The following KRT39 variants were observed in gnomAD, a reference collection of about 807,000 sequenced individuals.
KRT39 encodes keratin 39.
Under a neutral mutation model 54.8 loss-of-function variants are expected in KRT39, and 47 were observed. The ratio of observed to expected loss-of-function variants is 0.86; its 90% confidence interval spans 0.68 to 1.09. The LOEUF is 1.09. KRT39 is among the 50% of genes least tolerant of loss of function. The pLI, the probability that KRT39 is intolerant of heterozygous loss-of-function variation, is 0.00. For missense variants in KRT39, 580 were observed against 598.5 expected (o/e 0.97, Z 0.32); for synonymous variants, 207 against 227.9 (o/e 0.91, Z 0.83).
At position 40,963,207 on chromosome 17, in the gene KRT39, G is replaced by A. The variant is rs998485898; in HGVS notation, c.708+420C>T. Among the ~76,000 whole-genome samples, 15 of 152,300 alleles carry A rather than the reference G, an allele frequency of 9.8e-5. No individual in the cohort carries two copies. In the East Asian group the frequency reaches 1.2e-3, roughly 12 times the overall value. On this transcript the variant is annotated intron_variant, in intron 3 of 6. Transcript: ENST00000355612. ...TGTGTCCCCACCCAAATCTCATCTC[G>A]AATTGTAATTCCCATAATTCCCATG... is the stretch of plus-strand genomic sequence containing the variant.
At chr17:40,964,381 T>C (rs1279935040) in intron 2 of KRT39, 65 bp downstream of exon 2, 2 of 1,382,838 alleles carry the variant, frequency 1.4e-6, no homozygotes, top group Non-Finnish European at 2.1e-6. Context: ...GACAATTTTG[T>C]TGAGGGCATC....
Position 40,966,433 on chromosome 17 carries a change from C to A in KRT39, c.424G>T (p.Asp142Tyr). The change falls in exon 1 of 7, where the codon GAT (aspartate) becomes TAT (tyrosine). Residue 142 changes from aspartate (D) to tyrosine (Y), a missense_variant. Coordinates refer to ENST00000355612, the MANE Select transcript of KRT39 (RefSeq NM_213656.4). Reference sequence around the variant, plus strand: ...ATGGTAGTGTAGTAAGACAGGTAATCAGGACATAGAACAGGGAGCTCTTTG... The same window carrying A: ...ATGGTAGTGTAGTAAGACAGGTAATAAGGACATAGAACAGGGAGCTCTTTG... ...SNKELPVLCP[D>Y]YLSYYTTIEE... is the part of the protein sequence containing the mutation. The A allele has an allele frequency of 6.2e-7, 1 of 1,614,112 alleles. No homozygotes were observed. Among genetic ancestry groups the A allele is most frequent in the South Asian group, 1.1e-5 (1 of 91,076 alleles).
At position 40,958,437 on chromosome 17, in the gene KRT39, G is replaced by T; in HGVS notation, c.*164C>A. On this transcript the variant is annotated 3_prime_UTR_variant, in exon 7 of 7. Transcript: ENST00000355612. Reference sequence around the variant, plus strand: ...TATCATGTTAGCAGTGGTGAGTTAGGGAAGGAGCAGAATAAAAGATATTCT... The same window carrying T: ...TATCATGTTAGCAGTGGTGAGTTAGTGAAGGAGCAGAATAAAAGATATTCT... 1.6e-6 allele frequency: 1 copy of T among 636,384 alleles called. No individual in the cohort carries two copies. The highest frequency in any genetic ancestry group is 2.8e-5 in the East Asian group (1 of 35,290). 39.4% of individuals were successfully genotyped at this position (636,384 alleles called of 1,614,324 possible).
Position 40,963,725 on chromosome 17 carries a change from G to C in KRT39, c.610C>G (p.Gln204Glu). 6.2e-7 allele frequency: 1 copy of C among 1,609,672 alleles called. No individual in the cohort carries two copies. The highest frequency in any genetic ancestry group is 8.5e-7 in the Non-Finnish European group (1 of 1,176,498). Residue 204 changes from glutamine (Q) to glutamate (E), a missense_variant, in exon 3 of 7, where the codon CAG becomes GAG. Gln to Glu is a conservative substitution (Grantham distance 29, BLOSUM62 2). Coordinates refer to ENST00000355612, the MANE Select transcript of KRT39 (RefSeq NM_213656.4). ...LVESDANGLKQILNVLTLGKA... is the reference protein window; with the variant it reads ...LVESDANGLKEILNVLTLGKA... ...CCCAGGGTCAGCACATTCAGGATCT[G>C]CTTGAGGCCATTGGCATCTGACTCT...
intron 5 of KRT39, 96 bp from the exon 6 acceptor site, chr17:40,960,597 A>G (rs1008597684): frequency 3.6e-6 from 3 of 823,332 alleles, no homozygotes; most frequent in Non-Finnish European, 6.1e-6. Flanking sequence ...TCTTTGTGAC[A>G]CTACTGATAG....
intron 5 of KRT39, among the ~76,000 whole-genome samples, chr17:40,961,391 CTG>C (rs1911146763): frequency 6.6e-6 from 1 of 152,092 alleles, no homozygotes; most frequent in Non-Finnish European, 1.5e-5. Flanking sequence ...GATGAGAAAA[CTG>C]AGGTTCAAGT....
chr17:40,958,835 G>A lies in KRT39; in HGVS notation c.1242C>T (p.Thr414=), dbSNP rs761313153. Residue 414 remains threonine (T), a synonymous_variant, in exon 7 of 7, where the codon ACC becomes ACT. Coordinates refer to ENST00000355612, the MANE Select transcript of KRT39 (RefSeq NM_213656.4). ...ATGTCCAAGGGGAAGGCTCACATTT[G>A]GTGGCACGTGGGTAACAGGGACGCC... ...DGKRPCYPRA[T]KCEPSPWTSC... 7 of 1,607,528 alleles carry A rather than the reference G, an allele frequency of 4.4e-6. No individual in the cohort carries two copies. In the South Asian group the frequency reaches 5.6e-5, roughly 13 times the overall value.
rs867735427 is a variant in KRT39 at position 40,964,593 on chromosome 17, G to C, written c.469-65C>G. The C allele has an allele frequency of 1.0e-5, 12 of 1,152,724 alleles. No homozygotes were observed. In the Middle Eastern group the frequency reaches 1.1e-3, roughly 110 times the overall value. 71.4% of individuals were successfully genotyped at this position (1,152,724 alleles called of 1,614,324 possible). Reference sequence around the variant, plus strand: ...CAAGATTTCCTTCTTTAAGAACCAAGGGGTTTGTGTGTGTGTCAAGTAACA... The same window carrying C: ...CAAGATTTCCTTCTTTAAGAACCAACGGGTTTGTGTGTGTGTCAAGTAACA... On this transcript the variant is annotated intron_variant, in intron 1 of 6. Transcript: ENST00000355612.
At position 40,960,452 on chromosome 17, in the gene KRT39, G is replaced by T. The variant is rs1023325218; in HGVS notation, c.1046C>A (p.Ala349Asp). 1.2e-6 allele frequency: 2 copies of T among 1,613,944 alleles called. No homozygotes were observed. The highest frequency in any genetic ancestry group is 2.7e-5 in the African/African-American group (2 of 74,880). ...CAGACTCTGGATCTGGGTCAGCAAG[G>T]CCGTGTAGCGAGCCTCTGTCTCCGT... is the stretch of plus-strand genomic sequence containing the variant. Reference protein sequence around the residue: ...ILTETEARYTALLTQIQSLID... With the variant: ...ILTETEARYTDLLTQIQSLID... Residue 349 changes from alanine to aspartate, a missense_variant, in exon 6 of 7, where the codon GCC becomes GAC. Physicochemically the swap from Ala to Asp is moderately radical, Grantham distance 126. Transcript: ENST00000355612.
chr17:40,962,861 T>C (rs1911212055), intron 3 of KRT39, among the ~76,000 whole-genome samples: 1 of 152,196 alleles, frequency 6.6e-6, no homozygotes, highest in African/African-American at 2.4e-5. Context: ...AAAGGTGGAA[T>C]TGATCATGAG....
chr17:40,960,390 AC>A lies in KRT39; in HGVS notation c.1107del (p.Cys370ValfsTer60), dbSNP rs1567830599. On this transcript the variant is annotated frameshift_variant, in exon 6 of 7. Transcript: ENST00000355612. LOFTEE classifies it high-confidence loss of function. Reference protein sequence around the residue: ...DNLEAQLAEIRCALERQNQEY... With the variant: ...DNLEAQLAEIXCALERQNQEY... ...TCTTGGTTCTGTCTTTCCAGGGCAC[AC>A]CGGATCTCTGCCAGCTGAGCTTCCA... The A allele has an allele frequency of 1.2e-6, 2 of 1,613,952 alleles. No homozygotes were observed. The highest frequency in any genetic ancestry group is 2.2e-5 in the South Asian group (2 of 91,062).
At chr17:40,964,091 T>A (rs746555036) in intron 2 of KRT39, 36 of 417,354 alleles carry the variant, frequency 8.6e-5, no homozygotes, top group Admixed American at 2.0e-4. Context: ...AAAACATGTG[T>A]CCAAGTTTCG....
Position 40,958,480 on chromosome 17 carries a change from C to G in KRT39, c.*121G>C. On this transcript the variant is annotated 3_prime_UTR_variant, in exon 7 of 7. Transcript: ENST00000355612. The stretch of plus-strand genomic sequence containing the variant: ...GATATTCTACCTAGCAATGGGGACC[C>G]GCTGTAGTAGTAAGAAACTAAGTAC... 9.1e-7 allele frequency: 1 copy of G among 1,093,308 alleles called. No individual in the cohort carries two copies. The highest frequency in any genetic ancestry group is 1.3e-6 in the Non-Finnish European group (1 of 769,760). 67.7% of individuals were successfully genotyped at this position (1,093,308 alleles called of 1,614,324 possible). A position where few individuals can be genotyped will look rare whatever the true frequency, so the allele number is the denominator to read the frequency against.
intron 6 of KRT39, among the ~76,000 whole-genome samples, chr17:40,960,058 T>C (rs1242658154): frequency 1.3e-5 from 2 of 152,310 alleles, no homozygotes; most frequent in East Asian, 3.9e-4. Context: ...CATGGGCTCT[T>C]CAGAACAGCT....
chr17:40,962,186 A>G lies in KRT39; in HGVS notation c.972T>C (p.Val324=), dbSNP rs552759104. Reference sequence around the variant, plus strand: ...CCATTCGATGCTGGGCCTGCAGTTCAACCTCCAGAGTGTTCACACTGCGTC... The same window carrying G: ...CCATTCGATGCTGGGCCTGCAGTTCGACCTCCAGAGTGTTCACACTGCGTC... ...ELRRSVNTLE[V]ELQAQHRMRD... The change falls in exon 5 of 7, where the codon GTT becomes GTC. Residue 324 remains valine, a synonymous_variant. Transcript: ENST00000355612. 6.2e-7 allele frequency: 1 copy of G among 1,614,214 alleles called. No homozygotes were observed. Among genetic ancestry groups the G allele is most frequent in the African/African-American group, 1.3e-5 (1 of 75,060 alleles).
Position 40,962,178 on chromosome 17 carries a change from T to G in KRT39, c.980A>C (p.Gln327Pro). The G allele has an allele frequency of 6.2e-7, 1 of 1,614,204 alleles. No homozygotes were observed. Among genetic ancestry groups the G allele is most frequent in the Non-Finnish European group, 8.5e-7 (1 of 1,180,022 alleles). Residue 327 changes from glutamine to proline, a missense_variant, in exon 5 of 7, where the codon CAG becomes CCG. Physicochemically the swap from Gln to Pro is moderately conservative, Grantham distance 76. Transcript: ENST00000355612. ...RSVNTLEVELQAQHRMRDSQE... is the reference protein window; with the variant it reads ...RSVNTLEVELPAQHRMRDSQE... ...GCTCAGTACCATTCGATGCTGGGCC[T>G]GCAGTTCAACCTCCAGAGTGTTCAC...
chr17:40,964,289 A>G (rs17645857), intron 2 of KRT39, 157 bp downstream of exon 2: 53,647 of 679,184 alleles, frequency 0.079, 2,368 homozygotes, highest in South Asian at 0.094. Flanking sequence ...GCAGTTATTA[A>G]TCTTAATCAT....
rs1911104247 is a variant in KRT39 at position 40,960,459 on chromosome 17, A to G, written c.1039T>C (p.Tyr347His). The change falls in exon 6 of 7, where the codon TAC becomes CAC. Residue 347 changes from tyrosine to histidine, a missense_variant. By Grantham distance (83) the Tyr-to-His change is moderately conservative. Transcript: ENST00000355612. ...TGGATCTGGGTCAGCAAGGCCGTGT[A>G]GCGAGCCTCTGTCTCCGTTAGGATG... The part of the protein sequence containing the change: ...ECILTETEAR[Y>H]TALLTQIQSL... 6.2e-7 allele frequency: 1 copy of G among 1,614,060 alleles called. No homozygotes were observed. Among genetic ancestry groups the G allele is most frequent in the Non-Finnish European group, 8.5e-7 (1 of 1,180,002 alleles).
chr17:40,961,384 G>A (rs1002343409), intron 5 of KRT39, among the ~76,000 whole-genome samples: 5 of 152,128 alleles, frequency 3.3e-5, no homozygotes, highest in Admixed American at 1.3e-4. Context: ...TTTTATAGAT[G>A]AGAAAACTGA....
Sources: allele counts gnomAD v4.1 joint callset (sites outside exome capture counted in the v4.1 genomes callset), GRCh38; gene constraint gnomAD v4.1.1; transcripts MANE v1.5; gene names NCBI Gene and HGNC (gene_info 2026-07-23, HGNC 2026-07-21).